Variants in KDM2B observed in about 807,000 individuals in gnomAD.
The protein encoded by KDM2B is lysine demethylase 2B.
Under a neutral mutation model 150.0 loss-of-function variants are expected in KDM2B, and 26 were observed. The ratio of observed to expected loss-of-function variants is 0.17; its 90% confidence interval spans 0.13 to 0.24. KDM2B has a LOEUF of 0.24. KDM2B is among the 10% of genes least tolerant of loss of function. The pLI is 1.00. For missense variants in KDM2B, 1,265 were observed against 1,816.9 expected (o/e 0.70, Z 5.52); for synonymous variants, 734 against 729.5 (o/e 1.01, Z -0.10).
chr12:121,537,897 G>A lies in KDM2B; in HGVS notation c.684-3307C>T, dbSNP rs1555309019. On this transcript the variant is annotated intron_variant, in intron 6 of 22. Coordinates refer to ENST00000377071, the MANE Select transcript of KDM2B (RefSeq NM_032590.5). The surrounding 1 kb of genome is among the most constrained non-coding windows in gnomAD (Gnocchi z 8.7). ...ACAAAGGAGGGGGCGCCCGGGCAGCGCGGCCCGCGGTTACCCTCGGCGGCG... is the reference window on the plus strand; with the variant it reads ...ACAAAGGAGGGGGCGCCCGGGCAGCACGGCCCGCGGTTACCCTCGGCGGCG... Among the ~76,000 whole-genome samples, 1 of 151,314 alleles carries A rather than the reference G, an allele frequency of 6.6e-6. No individual in the cohort carries two copies. The highest frequency in any genetic ancestry group is 2.4e-5 in the African/African-American group (1 of 41,298).
chr12:121,444,103 G>C lies in KDM2B; in HGVS notation c.2360C>G (p.Pro787Arg). 6.2e-7 allele frequency: 1 copy of C among 1,613,694 alleles called. No homozygotes were observed. The highest frequency in any genetic ancestry group is 8.5e-7 in the Non-Finnish European group (1 of 1,180,042). Residue 787 changes from proline (P) to arginine (R), a missense_variant, in exon 16 of 23, where the codon CCG becomes CGG. Transcript: ENST00000377071. ...RSDEHSKKVP[P>R]DGLLRRKSDD... ...AGACTTTCTGCGCAGAAGGCCGTCCGGCGGCACCTTCTTCGAGTGCTCATC... is the reference window on the plus strand; with the variant it reads ...AGACTTTCTGCGCAGAAGGCCGTCCCGCGGCACCTTCTTCGAGTGCTCATC...
intron 4 of KDM2B, among the ~76,000 whole-genome samples, chr12:121,573,712 C>T (rs1013513672): frequency 1.3e-5 from 2 of 151,870 alleles, no homozygotes; most frequent in African/African-American, 2.4e-5. Context: ...CTCAGCCTCC[C>T]GAGCAGCTGG....
In KDM2B at chr12:121,457,894, C is replaced by T. The variant is rs1878511519; in HGVS notation, c.1735-4550G>A. Among the ~76,000 whole-genome samples, 3 of 152,138 alleles carry T rather than the reference C, an allele frequency of 2.0e-5. No homozygotes were observed. The South Asian group carries it at 6.2e-4, about 31-fold the overall frequency. On this transcript the variant is annotated intron_variant, in intron 12 of 22. Coordinates refer to ENST00000377071, the MANE Select transcript of KDM2B (RefSeq NM_032590.5). ...CCAATATTTGAGTTCCTCTGGTCTACCAGATATTATCCACCAGAAAATGCA... is the reference window on the plus strand; with the variant it reads ...CCAATATTTGAGTTCCTCTGGTCTATCAGATATTATCCACCAGAAAATGCA...
chr12:121,512,148 C>A (rs1206606077), intron 10 of KDM2B, among the ~76,000 whole-genome samples: 1 of 152,168 alleles, frequency 6.6e-6, no homozygotes, highest in African/African-American at 2.4e-5. Context: ...TTACTGTGAT[C>A]ATAGCGGCTC....
intron 4 of KDM2B, among the ~76,000 whole-genome samples, chr12:121,554,690 C>T (rs112493132): frequency 6.6e-6 from 1 of 152,256 alleles, no homozygotes; most frequent in African/African-American, 2.4e-5. Flanking sequence ...GGATTACAGG[C>T]GTGAGCCACC....
intron 22 of KDM2B, among the ~76,000 whole-genome samples, chr12:121,431,772 A>G (rs1469691132): frequency 6.6e-6 from 1 of 152,142 alleles, no homozygotes; most frequent in Non-Finnish European, 1.5e-5. Context: ...AGCTGTCTAC[A>G]TACACATAGG....
At chr12:121,540,802 C>A (rs1555309645) in intron 6 of KDM2B, among the ~76,000 whole-genome samples, 1 of 148,944 alleles carries the variant, frequency 6.7e-6, no homozygotes, top group Non-Finnish European at 1.5e-5. Flanking sequence ...AATTCCAATG[C>A]AGCCACATGG....
chr12:121,476,226 C>T (rs1476427359), intron 12 of KDM2B, among the ~76,000 whole-genome samples: 1 of 151,460 alleles, frequency 6.6e-6, no homozygotes, highest in Non-Finnish European at 1.5e-5. Context: ...ACCCGGGAGG[C>T]GGAGGTTGCA....
intron 12 of KDM2B, among the ~76,000 whole-genome samples, chr12:121,483,289 A>C (rs931473719): frequency 2.0e-5 from 3 of 151,966 alleles, no homozygotes; most frequent in African/African-American, 7.3e-5. Flanking sequence ...TATAAAAAAA[A>C]CACACACCAA....
chr12:121,501,546 G>A (rs568742937), intron 11 of KDM2B, among the ~76,000 whole-genome samples: 193 of 152,212 alleles, frequency 1.3e-3, no homozygotes, highest in African/African-American at 4.3e-3. Flanking sequence ...GCAGAGCCCC[G>A]CTGACTCTTT....
Position 121,430,109 on chromosome 12 carries a change from T to C in KDM2B, c.*179A>G, listed in dbSNP as rs1555285093. The stretch of plus-strand genomic sequence containing the variant: ...ACGATTCAGAAAGACCAAAGGAAAG[T>C]GTCGGCTCACTCATCCCCCAAACGG... On this transcript the variant is annotated 3_prime_UTR_variant, in exon 23 of 23. Transcript: ENST00000377071. This position sits in a 1 kb window ranked among gnomAD's most constrained non-coding sequence, Gnocchi z 4.4. 1.9e-6 allele frequency: 3 copies of C among 1,608,848 alleles called. No homozygotes were observed. Among genetic ancestry groups the C allele is most frequent in the African/African-American group, 2.7e-5 (2 of 74,806 alleles).
intron 12 of KDM2B, among the ~76,000 whole-genome samples, chr12:121,486,969 C>G (rs1882832620): frequency 6.6e-6 from 1 of 151,558 alleles, no homozygotes; most frequent in Non-Finnish European, 1.5e-5. Flanking sequence ...TGAGACCCCC[C>G]CGATACAAAA....
chr12:121,462,105 C>G (rs1468609424), intron 12 of KDM2B, among the ~76,000 whole-genome samples: 1 of 152,258 alleles, frequency 6.6e-6, no homozygotes, highest in African/African-American at 2.4e-5. Context: ...GACAGCCCCA[C>G]AAGGGAAGGC....
chr12:121,501,304 G>A (rs1422273757), intron 11 of KDM2B, among the ~76,000 whole-genome samples: 8 of 152,040 alleles, frequency 5.3e-5, no homozygotes, highest in Non-Finnish European at 1.0e-4. Context: ...GCTTGAACCC[G>A]GGAGGCGGAT....
At position 121,468,858 on chromosome 12, in the gene KDM2B, G is replaced by A. The variant is rs1239066583; in HGVS notation, c.1735-15514C>T. The A allele has an allele frequency of 6.6e-6, 1 of 152,166 alleles. No individual in the cohort carries two copies. The highest frequency in any genetic ancestry group is 1.5e-5 in the Non-Finnish European group (1 of 68,038). The allele number at this position is 152,166 out of a possible 1,614,324, so 9.4% of individuals were successfully genotyped here. A position where few individuals can be genotyped will look rare whatever the true frequency, so the allele number is the denominator to read the frequency against. On this transcript the variant is annotated intron_variant, in intron 12 of 22. Coordinates refer to ENST00000377071, the MANE Select transcript of KDM2B (RefSeq NM_032590.5). The surrounding 1 kb of genome is among the most constrained non-coding windows in gnomAD (Gnocchi z 4.0). ...ACCCACTATAGAAAAAATCCCAGTC[G>A]ACTTGCTCTTTGCCGAAACGTATCT... is the stretch of plus-strand genomic sequence containing the variant.
intron 11 of KDM2B, among the ~76,000 whole-genome samples, chr12:121,504,497 T>C (rs782646496): frequency 2.0e-4 from 31 of 151,994 alleles, no homozygotes; most frequent in Non-Finnish European, 4.0e-4. Context: ...ATTGTGCCAC[T>C]GTACTCCAGG....
chr12:121,532,092 G>A (rs1432336804), intron 8 of KDM2B, among the ~76,000 whole-genome samples: 1 of 151,668 alleles, frequency 6.6e-6, no homozygotes, highest in Non-Finnish European at 1.5e-5. Flanking sequence ...CTGCACCCTA[G>A]CCTGGGTGAC....
intron 11 of KDM2B, among the ~76,000 whole-genome samples, chr12:121,500,388 G>C (rs1242328749): frequency 2.0e-5 from 3 of 152,210 alleles, no homozygotes; most frequent in African/African-American, 7.2e-5. Flanking sequence ...CTTTCTGCGG[G>C]AAACTGCCCC....
intron 12 of KDM2B, among the ~76,000 whole-genome samples, chr12:121,474,856 G>A (rs1207067454): frequency 6.6e-6 from 1 of 152,188 alleles, no homozygotes; most frequent in African/African-American, 2.4e-5. Context: ...GGAGGCCGAG[G>A]AAGGAGGATC....
Sources: gnomAD v4.1 joint callset for allele counts (sites outside exome capture counted in the v4.1 genomes callset) on GRCh38, gnomAD v4.1.1 for gene constraint, Gnocchi (gnomAD v3.1) non-coding constraint, MANE v1.5 for transcripts, NCBI Gene and HGNC (gene_info 2026-07-23, HGNC 2026-07-21) for gene names.